Variants in CSMD2 observed in about 807,000 individuals in gnomAD.
The protein encoded by CSMD2 is CUB and sushi domain-containing protein 2.
A neutral mutation model predicts 398.5 loss-of-function variants in CSMD2; 130 were observed. The observed-to-expected ratio is 0.33, with a 90% CI of 0.28 to 0.38. The LOEUF (loss-of-function observed/expected upper bound fraction) is 0.38, where lower values mean the gene tolerates loss of function less well. Ranked by LOEUF, CSMD2 falls within the 10% of genes least tolerant of loss-of-function variation. The probability of loss-of-function intolerance (pLI) is 1.00; values close to 1 mark genes in which losing one functional copy is unlikely to be tolerated. For missense variants in CSMD2, 3,829 were observed against 4,764.9 expected, an observed-to-expected ratio of 0.80 and a Z score of 5.78; for synonymous variants, 1,828 against 1,908.5, an observed-to-expected ratio of 0.96 and a Z score of 1.10.
At chr1:33,806,111 T>G (rs905367556) in intron 10 of CSMD2, among the ~76,000 whole-genome samples, 1 of 152,122 alleles carries the variant, frequency 6.6e-6, no homozygotes, top group Non-Finnish European at 1.5e-5. Flanking sequence ...ATGGTGACTG[T>G]AATACGATAC....
chr1:33,568,002 A>G (rs1288547085), intron 52 of CSMD2, among the ~76,000 whole-genome samples, 161 bp from the exon 53 acceptor site: 5 of 152,090 alleles, frequency 3.3e-5, no homozygotes, highest in African/African-American at 7.2e-5. Context: ...GTTGTACCCC[A>G]AATGGCCACT....
intron 3 of CSMD2, among the ~76,000 whole-genome samples, chr1:34,011,915 GA>G (rs1248788557): frequency 1.3e-5 from 2 of 152,032 alleles, no homozygotes; most frequent in Non-Finnish European, 2.9e-5. Context: ...AGCACGTTCT[GA>G]GTGACGAGAT....
At chr1:33,642,078 G>A (rs1273795458) in intron 29 of CSMD2, among the ~76,000 whole-genome samples, 2 of 152,036 alleles carry the variant, frequency 1.3e-5, no homozygotes, top group East Asian at 1.9e-4. Context: ...ATCTGGGCAC[G>A]GTGGCTCACA....
Position 33,571,597 on chromosome 1 carries a change from TG to T in CSMD2, c.7891del (p.Gln2631LysfsTer141). The T allele has an allele frequency of 3.2e-6, 5 of 1,572,686 alleles. No individual in the cohort carries two copies. The highest frequency in any genetic ancestry group is 4.3e-6 in the Non-Finnish European group (5 of 1,152,574). ...ATTGGCCTGACAGCGGATGACCCTTTGGCCAGTATAGTAGTAGCCAGGGTCA... is the reference window on the plus strand; with the variant it reads ...ATTGGCCTGACAGCGGATGACCCTTTGCCAGTATAGTAGTAGCCAGGGTCA... Reference protein sequence around the residue: ...ICDPGYYYTGQRVIRCQANGK... With the variant: ...ICDPGYYYTGXRVIRCQANGK... On this transcript the variant is annotated frameshift_variant, in exon 51 of 71. Coordinates refer to ENST00000373381, the MANE Select transcript of CSMD2 (RefSeq NM_001281956.2). LOFTEE classifies it high-confidence loss of function.
chr1:33,692,828 G>A, intron 25 of CSMD2, 102 bp downstream of exon 25: 1 of 1,426,892 alleles, frequency 7.0e-7, no homozygotes. Context: ...TTCTCCAGGT[G>A]AGGCAGGCAG....
chr1:33,931,724 G>T (rs1456385876), intron 4 of CSMD2, among the ~76,000 whole-genome samples: 1 of 152,196 alleles, frequency 6.6e-6, no homozygotes, highest in South Asian at 2.1e-4. Flanking sequence ...TGGAAAGATT[G>T]GGGTGGGGCT....
At chr1:34,026,319 G>A (rs1221418033) in intron 3 of CSMD2, among the ~76,000 whole-genome samples, 1 of 152,042 alleles carries the variant, frequency 6.6e-6, no homozygotes, top group Non-Finnish European at 1.5e-5. Context: ...TTACCAAGGA[G>A]TCCACAAAAA....
At position 33,738,861 on chromosome 1, in the gene CSMD2, A is replaced by G. The variant is rs1426133600; in HGVS notation, c.2368+279T>C. Among the ~76,000 whole-genome samples the G allele has an allele frequency of 1.7e-4, 26 of 152,200 alleles. 1 individual carries two copies. Among genetic ancestry groups the G allele is most frequent in the Admixed American group, 1.7e-3 (26 of 15,288 alleles). Reference sequence around the variant, plus strand: ...AAACAGGGATCTTAATGGCTGTGATACCGAAGAGAGTTCTCATTTGAAAGA... The same window carrying G: ...AAACAGGGATCTTAATGGCTGTGATGCCGAAGAGAGTTCTCATTTGAAAGA... On this transcript the variant is annotated intron_variant, in intron 15 of 70. Coordinates refer to ENST00000373381, the MANE Select transcript of CSMD2 (RefSeq NM_001281956.2).
At position 33,724,108 on chromosome 1, in the gene CSMD2, G is replaced by A. The variant is rs1646446038; in HGVS notation, c.3001+89C>T. On this transcript the variant is annotated intron_variant, in intron 19 of 70. Coordinates refer to ENST00000373381, the MANE Select transcript of CSMD2 (RefSeq NM_001281956.2). ...CGAAGCCCAGAGGTCACTATCTAGG[G>A]AGATCCCCATTGAGGTCAACTTGAC... is the stretch of plus-strand genomic sequence containing the variant. 20 of 859,100 alleles carry A rather than the reference G, an allele frequency of 2.3e-5. No homozygotes were observed. In the South Asian group the frequency reaches 2.7e-4, roughly 12 times the overall value. 53.2% of individuals were successfully genotyped at this position (859,100 alleles called of 1,614,324 possible).
At chr1:33,760,031 C>G (rs1649613562) in intron 13 of CSMD2, among the ~76,000 whole-genome samples, 1 of 152,182 alleles carries the variant, frequency 6.6e-6, no homozygotes, top group Admixed American at 6.5e-5. Context: ...TTGCTAAGTT[C>G]TTGCCCTCTA....
At chr1:33,714,487 T>TCAGC in intron 21 of CSMD2, 100 bp downstream of exon 21, 1 of 1,392,688 alleles carries the variant, frequency 7.2e-7, no homozygotes, top group Non-Finnish European at 1.0e-6. Flanking sequence ...GTGGGCTAAG[T>TCAGC]CAGCCTCTTG....
At chr1:33,532,338 T>C (rs559971198) in intron 64 of CSMD2, among the ~76,000 whole-genome samples, 1 of 152,372 alleles carries the variant, frequency 6.6e-6, no homozygotes, top group South Asian at 2.1e-4. Flanking sequence ...GCCTGGTATC[T>C]GGTGAGGTGA....
intron 3 of CSMD2, among the ~76,000 whole-genome samples, chr1:34,030,710 A>T (rs1454915432): frequency 6.6e-6 from 1 of 152,144 alleles, no homozygotes; most frequent in African/African-American, 2.4e-5. Context: ...GTGGGCAGGG[A>T]CACCTTTTTC....
chr1:33,650,128 C>T (rs968769630), intron 28 of CSMD2, among the ~76,000 whole-genome samples: 1 of 152,208 alleles, frequency 6.6e-6, no homozygotes, highest in Non-Finnish European at 1.5e-5. Flanking sequence ...TAACTAACTG[C>T]CTTCTTTCTG....
intron 3 of CSMD2, among the ~76,000 whole-genome samples, chr1:33,972,695 C>T (rs149046885): frequency 6.6e-6 from 1 of 152,184 alleles, no homozygotes; most frequent in Non-Finnish European, 1.5e-5. Context: ...CAGAAGGAAT[C>T]GGCCCTGCCA....
chr1:33,758,763 C>T (rs999458727), intron 13 of CSMD2, among the ~76,000 whole-genome samples: 4 of 152,176 alleles, frequency 2.6e-5, no homozygotes, highest in South Asian at 2.1e-4. Context: ...CTTTAGCCCA[C>T]GGAATTGTGA....
chr1:33,742,665 C>A (rs1288197616), intron 14 of CSMD2, among the ~76,000 whole-genome samples: 1 of 140,542 alleles, frequency 7.1e-6, no homozygotes, highest in African/African-American at 2.7e-5. Context: ...AGAGAAGGGG[C>A]CCAGGATTGA....
intron 46 of CSMD2, among the ~76,000 whole-genome samples, chr1:33,584,110 G>A (rs890169094): frequency 6.6e-6 from 1 of 152,312 alleles, no homozygotes; most frequent in African/African-American, 2.4e-5. Context: ...AGTAGGGGAG[G>A]ATGGAACATA....
At chr1:33,749,928 C>T (rs75969132) in intron 13 of CSMD2, among the ~76,000 whole-genome samples, 1,764 of 152,148 alleles carry the variant, frequency 0.012, 39 homozygotes, top group African/African-American at 0.041. Flanking sequence ...TACAATACTC[C>T]CATAACAATG....
Sources: gnomAD v4.1 joint callset for allele counts (sites outside exome capture counted in the v4.1 genomes callset) on GRCh38, gnomAD v4.1.1 for gene constraint, MANE v1.5 for transcripts, NCBI Gene and HGNC (gene_info 2026-07-23, HGNC 2026-07-21) for gene names.